Variants in CFAP77 observed in about 807,000 individuals in gnomAD.
CFAP77 encodes cilia and flagella associated protein 77, also known as cilia- and flagella-associated protein 77.
CFAP77 carries 25 observed loss-of-function variants against 31.1 expected under a neutral mutation model. That is an observed-to-expected ratio of 0.80 (90% CI 0.59 to 1.12). CFAP77 has a LOEUF of 1.12. Among genes scored for constraint, CFAP77 ranks in the 50% most tolerant of loss-of-function variants. CFAP77 has a pLI of 0.00. For missense variants in CFAP77, 377 were observed against 397.3 expected, an observed-to-expected ratio of 0.95 and a Z score of 0.44; for synonymous variants, 151 against 159.9, an observed-to-expected ratio of 0.94 and a Z score of 0.42.
At chr9:132,562,840 C>T (rs1276331899) in intron 5 of CFAP77, among the ~76,000 whole-genome samples, 2 of 151,878 alleles carry the variant, frequency 1.3e-5, no homozygotes, top group African/African-American at 4.8e-5. Context: ...GCTGGGATTG[C>T]AGACACGCAC....
chr9:132,453,837 G>A (rs190102052), intron 1 of CFAP77, among the ~76,000 whole-genome samples: 2 of 152,250 alleles, frequency 1.3e-5, no homozygotes, highest in Non-Finnish European at 2.9e-5. Context: ...GTACGTAAGA[G>A]CCATTTGCTT....
In CFAP77 at chr9:132,559,760, A is replaced by T. The variant is rs1181399491; in HGVS notation, c.733-12628A>T. Among the ~76,000 whole-genome samples, 5 of 152,242 alleles carry T rather than the reference A, an allele frequency of 3.3e-5. 1 individual carries two copies. The highest frequency in any genetic ancestry group is 7.3e-5 in the Non-Finnish European group (5 of 68,044). On this transcript the variant is annotated intron_variant, in intron 5 of 5. Transcript: ENST00000393216. Reference sequence around the variant, plus strand: ...CTAGAAGCATTACTCATAATAGTCAAAAGTGGAAACAACCCAAGGTCCATC... The same window carrying T: ...CTAGAAGCATTACTCATAATAGTCATAAGTGGAAACAACCCAAGGTCCATC...
intron 1 of CFAP77, among the ~76,000 whole-genome samples, chr9:132,437,992 G>T (rs1250695356): frequency 6.6e-6 from 1 of 151,352 alleles, no homozygotes; most frequent in Non-Finnish European, 1.5e-5. Flanking sequence ...AACACCTGAG[G>T]TCATGAGTTC....
intron 1 of CFAP77, among the ~76,000 whole-genome samples, chr9:132,451,080 T>C (rs1348876344): frequency 8.5e-5 from 13 of 152,136 alleles, no homozygotes; most frequent in Admixed American, 8.5e-4. Context: ...CTCACACCTG[T>C]AATCTCAGCA....
chr9:132,471,608 C>G (rs78721753), intron 1 of CFAP77, among the ~76,000 whole-genome samples: 6,455 of 152,258 alleles, frequency 0.042, 156 homozygotes, highest in Non-Finnish European at 0.059. Context: ...ATAGGAGAGA[C>G]TTGGCCAGCC....
chr9:132,514,614 C>T (rs1365653315), intron 3 of CFAP77, among the ~76,000 whole-genome samples: 3 of 152,104 alleles, frequency 2.0e-5, no homozygotes, highest in South Asian at 4.1e-4. Flanking sequence ...CTGCCTGCAC[C>T]GGTGCCGGAA....
At chr9:132,570,919 C>T (rs1378585102) in intron 5 of CFAP77, among the ~76,000 whole-genome samples, 1 of 152,176 alleles carries the variant, frequency 6.6e-6, no homozygotes, top group Non-Finnish European at 1.5e-5. Context: ...CTGCCCTAGG[C>T]CTCTGTTCCC....
intron 1 of CFAP77, chr9:132,482,540 G>T: frequency 1.4e-6 from 1 of 710,056 alleles, no homozygotes; most frequent in Non-Finnish European, 2.4e-6. Flanking sequence ...CCATGGTCTC[G>T]TCTAAATGTT....
chr9:132,458,692 T>G (rs1284532332), intron 1 of CFAP77, among the ~76,000 whole-genome samples: 1 of 152,212 alleles, frequency 6.6e-6, no homozygotes, highest in Non-Finnish European at 1.5e-5. Context: ...TAATTATAAT[T>G]AATTTAAATC....
chr9:132,492,897 C>G (rs1851673315), intron 1 of CFAP77, among the ~76,000 whole-genome samples: 1 of 152,194 alleles, frequency 6.6e-6, no homozygotes, highest in Non-Finnish European at 1.5e-5. Context: ...GGATTGTGGA[C>G]AGTGGGATTT....
Position 132,539,887 on chromosome 9 carries a change from C to T in CFAP77, c.630+2181C>T, listed in dbSNP as rs770012632. ...ACCAGCACAAACTGCTTTCTAGCCC[C>T]GCATTAGAGCTGGGAGTTTTTTTTG... On this transcript the variant is annotated intron_variant, in intron 4 of 5. Transcript: ENST00000393216. The surrounding 1 kb of genome is among the most constrained non-coding windows in gnomAD (Gnocchi z 4.3). 6.6e-6 allele frequency among the ~76,000 whole-genome samples: 1 copy of T among 152,152 alleles called. No individual in the cohort carries two copies. Among genetic ancestry groups the T allele is most frequent in the Non-Finnish European group, 1.5e-5 (1 of 68,012 alleles).
intron 5 of CFAP77, among the ~76,000 whole-genome samples, chr9:132,544,787 T>C (rs1852707402): frequency 6.6e-6 from 1 of 152,134 alleles, no homozygotes; most frequent in Non-Finnish European, 1.5e-5. Flanking sequence ...TGAGTCACCA[T>C]GCTCAGCTAC....
chr9:132,489,054 C>T (rs1020291081), intron 1 of CFAP77, among the ~76,000 whole-genome samples: 4 of 152,120 alleles, frequency 2.6e-5, no homozygotes, highest in Non-Finnish European at 4.4e-5. Flanking sequence ...GGTGGTCAGA[C>T]TCGGAGCTGG....
chr9:132,410,828 G>C (rs999339726), intron 1 of CFAP77, among the ~76,000 whole-genome samples: 1 of 152,202 alleles, frequency 6.6e-6, no homozygotes, highest in Non-Finnish European at 1.5e-5. Context: ...GGTCGCACAC[G>C]CCCAGTCTAA....
intron 1 of CFAP77, among the ~76,000 whole-genome samples, chr9:132,483,736 A>G: frequency 6.6e-6 from 1 of 152,124 alleles, no homozygotes; most frequent in South Asian, 2.1e-4. Flanking sequence ...TCCCCACCCC[A>G]TGCCCACCTC....
intron 5 of CFAP77, among the ~76,000 whole-genome samples, chr9:132,543,983 G>GGA (rs1192330494): frequency 2.0e-5 from 3 of 152,210 alleles, no homozygotes; most frequent in Non-Finnish European, 4.4e-5. Context: ...AGCCTTTCTA[G>GGA]GAGGCCACAA....
At chr9:132,457,988 C>T (rs547620442) in intron 1 of CFAP77, among the ~76,000 whole-genome samples, 18 of 152,298 alleles carry the variant, frequency 1.2e-4, no homozygotes, top group African/African-American at 4.1e-4. Flanking sequence ...AGGAGTCTAA[C>T]AGCCCCGATC....
intron 1 of CFAP77, among the ~76,000 whole-genome samples, chr9:132,489,030 G>T (rs1851611944): frequency 6.6e-6 from 1 of 152,214 alleles, no homozygotes. Flanking sequence ...TTTGAAGGCA[G>T]CTGAGGAGGG....
intron 3 of CFAP77, among the ~76,000 whole-genome samples, chr9:132,515,250 C>A (rs543532746): frequency 6.6e-6 from 1 of 152,282 alleles, no homozygotes; most frequent in African/African-American, 2.4e-5. Context: ...AGACAGAGAA[C>A]CCCGGCTCGA....
Sources: gnomAD v4.1 joint callset for allele counts (sites outside exome capture counted in the v4.1 genomes callset) on GRCh38, gnomAD v4.1.1 for gene constraint, Gnocchi (gnomAD v3.1) non-coding constraint, MANE v1.5 for transcripts, NCBI Gene and HGNC (gene_info 2026-07-23, HGNC 2026-07-21) for gene names.